SPTLC3: variants seen among roughly 807,000 people sequenced by gnomAD.
SPTLC3 encodes the protein serine palmitoyltransferase 3.
SPTLC3 carries 36 observed loss-of-function variants against 59.3 expected under a neutral mutation model. The observed-to-expected ratio is 0.61, with a 90% CI of 0.47 to 0.80. The LOEUF (loss-of-function observed/expected upper bound fraction) is 0.80, where lower values mean the gene tolerates loss of function less well. Ranked by LOEUF, SPTLC3 falls within the 30% of genes least tolerant of loss-of-function variation. The pLI is 0.00. For missense variants in SPTLC3, 625 were observed against 685.1 expected (o/e 0.91, Z 0.98); for synonymous variants, 257 against 240.8 (o/e 1.07, Z -0.62).
intron 1 of SPTLC3, among the ~76,000 whole-genome samples, chr20:13,029,648 T>C (rs1391990788): frequency 6.6e-6 from 1 of 152,164 alleles, no homozygotes; most frequent in Non-Finnish European, 1.5e-5. Flanking sequence ...AATATACTTA[T>C]TTTTCATGGA....
At chr20:13,065,090 T>C (rs1988142459) in intron 2 of SPTLC3, among the ~76,000 whole-genome samples, 1 of 152,130 alleles carries the variant, frequency 6.6e-6, no homozygotes, top group Admixed American at 6.5e-5. Context: ...TGGAATTTCT[T>C]GGAATTTTTC....
chr20:13,151,379 C>T (rs1338962776), intron 9 of SPTLC3, among the ~76,000 whole-genome samples: 2 of 152,174 alleles, frequency 1.3e-5, no homozygotes, highest in African/African-American at 4.8e-5. Context: ...AAGTGGACTG[C>T]CTTTGGGTCA....
At chr20:13,148,154 C>T (rs186544775) in intron 9 of SPTLC3, among the ~76,000 whole-genome samples, 1 of 152,290 alleles carries the variant, frequency 6.6e-6, no homozygotes, top group African/African-American at 2.4e-5. Flanking sequence ...TTGTCCTAAA[C>T]ATATTTTTGG....
intron 3 of SPTLC3, 73 bp from the exon 4 acceptor site, chr20:13,074,276 C>G: frequency 6.4e-7 from 1 of 1,571,752 alleles, no homozygotes. Context: ...CCCAAGTCTT[C>G]CACCAGGGAT....
In SPTLC3 at chr20:13,165,433, T is replaced by C. The variant is rs1437365611; in HGVS notation, c.*566T>C. 6.6e-6 allele frequency: 1 copy of C among 152,470 alleles called. No individual in the cohort carries two copies. Among genetic ancestry groups the C allele is most frequent in the African/African-American group, 2.4e-5 (1 of 41,460 alleles). The allele number at this position is 152,470 out of a possible 1,614,324, so 9.4% of individuals were successfully genotyped here. A position where few individuals can be genotyped will look rare whatever the true frequency, so the allele number is the denominator to read the frequency against. On this transcript the variant is annotated 3_prime_UTR_variant, in exon 12 of 12. Coordinates refer to ENST00000399002, the MANE Select transcript of SPTLC3 (RefSeq NM_018327.4). ...TTTCACAGACAAGTGTCAAAAGACA[T>C]AGTTAATGTTTCGAGGGGGAAAGCA...
At chr20:13,031,853 G>A (rs964001893) in intron 1 of SPTLC3, among the ~76,000 whole-genome samples, 5 of 152,038 alleles carry the variant, frequency 3.3e-5, no homozygotes, top group Admixed American at 6.6e-5. Flanking sequence ...TGTTTCTTTC[G>A]GGCTTTAACC....
intron 6 of SPTLC3, among the ~76,000 whole-genome samples, chr20:13,103,375 T>C (rs1336485675): frequency 6.6e-6 from 1 of 152,176 alleles, no homozygotes; most frequent in Non-Finnish European, 1.5e-5. Flanking sequence ...TTGGGCTGAA[T>C]CTTGAAGGAT....
rs143266153 is a variant in SPTLC3, at chr20:13,167,422, A to G, written c.*2555A>G. 2.5e-4 allele frequency: 38 copies of G among 152,264 alleles called. No individual in the cohort carries two copies. The highest frequency in any genetic ancestry group is 8.9e-4 in the African/African-American group (37 of 41,558). 9.4% of individuals were successfully genotyped at this position (152,264 alleles called of 1,614,324 possible). On this transcript the variant is annotated 3_prime_UTR_variant, in exon 12 of 12. Coordinates refer to ENST00000399002, the MANE Select transcript of SPTLC3 (RefSeq NM_018327.4). The stretch of plus-strand genomic sequence containing the variant: ...GGAAAAGAGAATTTTCTATAATGTT[A>G]TGCGCACTCAGCCCTTCTGTTCACA...
intron 1 of SPTLC3, among the ~76,000 whole-genome samples, chr20:13,034,449 CT>C (rs1217619991): frequency 6.6e-6 from 1 of 152,142 alleles, no homozygotes; most frequent in Non-Finnish European, 1.5e-5. Flanking sequence ...TTCCCAAACT[CT>C]TTTTGTTGAT....
intron 6 of SPTLC3, among the ~76,000 whole-genome samples, chr20:13,094,679 G>A (rs2122637129): frequency 1.3e-5 from 2 of 152,320 alleles, no homozygotes; most frequent in South Asian, 4.1e-4. Flanking sequence ...AAATGCATGG[G>A]AGTATTCTCA....
chr20:13,125,500 G>T (rs888717691), intron 8 of SPTLC3, among the ~76,000 whole-genome samples: 3 of 152,060 alleles, frequency 2.0e-5, no homozygotes, highest in Non-Finnish European at 4.4e-5. Context: ...CCCCAAATTT[G>T]GTGTCTAAAA....
chr20:13,011,482 T>G (rs1431083115), intron 1 of SPTLC3, among the ~76,000 whole-genome samples: 1 of 152,206 alleles, frequency 6.6e-6, no homozygotes, highest in African/African-American at 2.4e-5. Context: ...GTTATCTCTT[T>G]TATACATTAG....
At chr20:13,060,407 T>TATTA (rs3038805) in intron 2 of SPTLC3, among the ~76,000 whole-genome samples, 30,317 of 151,152 alleles carry the variant, frequency 0.2, 3,146 homozygotes, top group East Asian at 0.25. Context: ...TTTATTTATT[T>TATTA]ATTTATTTAT....
intron 8 of SPTLC3, among the ~76,000 whole-genome samples, chr20:13,124,578 G>T (rs756071198): frequency 6.6e-6 from 1 of 152,102 alleles, no homozygotes; most frequent in African/African-American, 2.4e-5. Flanking sequence ...CGGGTGAAAG[G>T]GGGGGATTCA....
chr20:13,073,830 G>A, intron 3 of SPTLC3: 2 of 580,382 alleles, frequency 3.4e-6, no homozygotes, highest in South Asian at 1.5e-5. Flanking sequence ...CTCAGTTTGG[G>A]GAAAGTTCCT....
chr20:13,028,776 T>A (rs1986283886), intron 1 of SPTLC3, among the ~76,000 whole-genome samples: 1 of 152,182 alleles, frequency 6.6e-6, no homozygotes, highest in Non-Finnish European at 1.5e-5. Context: ...AGCTTCCACT[T>A]CCTTTAAGGC....
intron 11 of SPTLC3, among the ~76,000 whole-genome samples, chr20:13,161,632 T>C (rs1247599593): frequency 6.6e-6 from 1 of 152,080 alleles, no homozygotes; most frequent in Non-Finnish European, 1.5e-5. Context: ...AGGAGGAGGG[T>C]CAAAATGCCC....
intron 4 of SPTLC3, among the ~76,000 whole-genome samples, chr20:13,085,336 A>G (rs1988971320): frequency 6.6e-6 from 1 of 152,150 alleles, no homozygotes; most frequent in Non-Finnish European, 1.5e-5. Context: ...AGTACCCCAA[A>G]TGCTTTTGAA....
chr20:13,113,126 T>C (rs1990334553), intron 7 of SPTLC3, among the ~76,000 whole-genome samples: 1 of 152,092 alleles, frequency 6.6e-6, no homozygotes, highest in African/African-American at 2.4e-5. Context: ...GAGGTTGCAG[T>C]GAGCCAAGAT....
Sources: allele counts gnomAD v4.1 joint callset (sites outside exome capture counted in the v4.1 genomes callset), GRCh38; gene constraint gnomAD v4.1.1; transcripts MANE v1.5; gene names NCBI Gene and HGNC (gene_info 2026-07-23, HGNC 2026-07-21).